Variants in NCOA1 observed in about 807,000 individuals in gnomAD.
NCOA1 encodes Hin-2 protein.
Under a neutral mutation model 150.9 loss-of-function variants are expected in NCOA1, and 35 were observed. That is an observed-to-expected ratio of 0.23 (90% CI 0.18 to 0.31). NCOA1 has a LOEUF of 0.31. NCOA1 is among the 10% of genes least tolerant of loss of function. NCOA1 has a pLI of 1.00. For missense variants in NCOA1, 1,491 were observed against 1,749.3 expected, an observed-to-expected ratio of 0.85 and a Z score of 2.63; for synonymous variants, 590 against 630.0, an observed-to-expected ratio of 0.94 and a Z score of 0.95.
chr2:24,655,534 A>G (rs1221357646), intron 4 of NCOA1, among the ~76,000 whole-genome samples: 1 of 152,178 alleles, frequency 6.6e-6, no homozygotes, highest in Non-Finnish European at 1.5e-5. Context: ...TTTATATATT[A>G]TGTTTAGGAG....
chr2:24,755,999 C>T (rs1246543231), intron 20 of NCOA1, among the ~76,000 whole-genome samples: 1 of 147,356 alleles, frequency 6.8e-6, no homozygotes, highest in Non-Finnish European at 1.5e-5. Flanking sequence ...TTTGGGAGGC[C>T]GAGGCAGGTT....
At chr2:24,646,744 CAA>C (rs1670493479) in intron 4 of NCOA1, among the ~76,000 whole-genome samples, 1 of 145,356 alleles carries the variant, frequency 6.9e-6, no homozygotes, top group Non-Finnish European at 1.5e-5. Context: ...TCTTAAATAA[CAA>C]AGTCTACAAA....
chr2:24,576,145 CTTTGTTTTTTTTTTTTTGTTTTTTG>C (rs1446995198), intron 2 of NCOA1, among the ~76,000 whole-genome samples: 4 of 101,036 alleles, frequency 4.0e-5, no homozygotes, highest in South Asian at 2.9e-4. Context: ...ATTATTTGGC[CTTTGTTTTTTTTTTTTTGTTTTTTG>C]TTTTTTTTTT....
intron 2 of NCOA1, among the ~76,000 whole-genome samples, chr2:24,582,411 C>T (rs908969014): frequency 6.6e-6 from 1 of 152,026 alleles, no homozygotes; most frequent in Non-Finnish European, 1.5e-5. Context: ...TGAAATATCT[C>T]TACAATAAAA....
intron 17 of NCOA1, among the ~76,000 whole-genome samples, chr2:24,737,243 T>C (rs55990571): frequency 0.014 from 2,097 of 152,202 alleles, 49 homozygotes; most frequent in African/African-American, 0.048. Flanking sequence ...ATTTTAATAA[T>C]TGGAGAGAAG....
intron 14 of NCOA1, among the ~76,000 whole-genome samples, chr2:24,716,750 C>T (rs1674067338): frequency 6.6e-6 from 1 of 152,158 alleles, no homozygotes. Flanking sequence ...GAAAATGAAT[C>T]AATAATCAAT....
In NCOA1 at chr2:24,539,353, G is replaced by T. The variant is rs141592027; in HGVS notation, c.-395-24942G>T. ...AAGCATTAGAGACAAAAGGAATGAT[G>T]AATGCAAAGATATGAAGGCCTGAAA... On this transcript the variant is annotated intron_variant, in intron 1 of 22. Transcript: ENST00000348332. Among the ~76,000 whole-genome samples, 447 of 152,298 alleles carry T rather than the reference G, an allele frequency of 2.9e-3. 2 individuals are homozygous for T. Among genetic ancestry groups the T allele is most frequent in the African/African-American group, 1.0e-2 (414 of 41,570 alleles).
At chr2:24,677,872 T>C (rs1329060528) in intron 7 of NCOA1, among the ~76,000 whole-genome samples, 1 of 150,098 alleles carries the variant, frequency 6.7e-6, no homozygotes, top group Admixed American at 6.7e-5. Context: ...TGTGCCACAC[T>C]TTTTTTTTTC....
At chr2:24,593,997 A>G (rs1424826733) in intron 3 of NCOA1, among the ~76,000 whole-genome samples, 2 of 152,148 alleles carry the variant, frequency 1.3e-5, no homozygotes, top group Non-Finnish European at 2.9e-5. Context: ...ATAAATTGTA[A>G]TTATAAAGAT....
chr2:24,563,671 C>G (rs1417724782), intron 1 of NCOA1, among the ~76,000 whole-genome samples: 1 of 152,152 alleles, frequency 6.6e-6, no homozygotes, highest in Non-Finnish European at 1.5e-5. Flanking sequence ...GTGGATGCCA[C>G]CAAGCCCAGC....
chr2:24,666,940 G>A (rs1434372340), intron 6 of NCOA1, among the ~76,000 whole-genome samples: 1 of 152,048 alleles, frequency 6.6e-6, no homozygotes, highest in Non-Finnish European at 1.5e-5. Context: ...TAAAGGCAAA[G>A]CACTTTGAAG....
chr2:24,544,368 A>G (rs1314941273), intron 1 of NCOA1, among the ~76,000 whole-genome samples: 1 of 152,128 alleles, frequency 6.6e-6, no homozygotes, highest in Middle Eastern at 3.2e-3. Context: ...AAAGTTGTGG[A>G]TATGAAAGAT....
intron 3 of NCOA1, among the ~76,000 whole-genome samples, chr2:24,604,873 A>G (rs528345630): frequency 6.6e-6 from 1 of 152,298 alleles, no homozygotes; most frequent in African/African-American, 2.4e-5. Flanking sequence ...GGCTTTTGAC[A>G]TGCCTTTTTC....
chr2:24,664,428 G>A (rs1671319633), intron 5 of NCOA1, among the ~76,000 whole-genome samples: 1 of 151,912 alleles, frequency 6.6e-6, no homozygotes, highest in African/African-American at 2.4e-5. Flanking sequence ...AAAGTAAATG[G>A]GGCTGGGCTT....
intron 3 of NCOA1, among the ~76,000 whole-genome samples, chr2:24,599,793 T>A (rs1250293873): frequency 1.3e-5 from 2 of 149,192 alleles, no homozygotes; most frequent in African/African-American, 5.0e-5. Context: ...ATGGCATACA[T>A]GACCTTGGCT....
intron 19 of NCOA1, among the ~76,000 whole-genome samples, chr2:24,745,121 G>T (rs1301960551): frequency 1.3e-5 from 2 of 150,802 alleles, no homozygotes; most frequent in Non-Finnish European, 3.0e-5. Flanking sequence ...GAGTGTAAAA[G>T]AACAGAATCA....
At position 24,609,300 on chromosome 2, in the gene NCOA1, A is replaced by G. The variant is rs188361247; in HGVS notation, c.-175+24740A>G. On this transcript the variant is annotated intron_variant, in intron 3 of 22. Transcript: ENST00000348332. ...TTTTAGTGGGTTATGTATCTTTTTA[A>G]TTGAATTTACTGGTTACATTTGTTT... 1.2e-3 allele frequency among the ~76,000 whole-genome samples: 183 copies of G among 152,326 alleles called. 2 individuals are homozygous for G. In the Middle Eastern group the frequency reaches 0.034, roughly 28 times the overall value.
intron 1 of NCOA1, among the ~76,000 whole-genome samples, chr2:24,493,175 T>G (rs949980006): frequency 1.3e-5 from 2 of 152,246 alleles, no homozygotes; most frequent in Non-Finnish European, 2.9e-5. Flanking sequence ...TAGGCATTCC[T>G]TGAACTATTT....
intron 3 of NCOA1, among the ~76,000 whole-genome samples, chr2:24,588,400 A>G (rs1353727843): frequency 1.3e-5 from 2 of 152,216 alleles, no homozygotes; most frequent in Non-Finnish European, 2.9e-5. Context: ...ATGCACTTGC[A>G]GAGACAAGGC....
Sources: gnomAD v4.1 joint callset for allele counts (sites outside exome capture counted in the v4.1 genomes callset) on GRCh38, gnomAD v4.1.1 for gene constraint, MANE v1.5 for transcripts, NCBI Gene and HGNC (gene_info 2026-07-23, HGNC 2026-07-21) for gene names.